The following LOC128092253 variants were observed in gnomAD, a reference collection of about 807,000 sequenced individuals.
chr6:133,968,764 G>A, the LOC128092253 span: 1 of 152,174 alleles, frequency 6.6e-6, no homozygotes, highest in Non-Finnish European at 1.5e-5. Flanking sequence ...TCTGCCCTTG[G>A]GTTCAAGCAG....
chr6:133,973,558 C>T, the LOC128092253 span, among the ~76,000 whole-genome samples: 1 of 152,080 alleles, frequency 6.6e-6, no homozygotes, highest in African/African-American at 2.4e-5. Context: ...TGCAATTTGT[C>T]GTAAAAGCCA....
chr6:133,959,448 T>G, the LOC128092253 span, among the ~76,000 whole-genome samples: 1 of 152,164 alleles, frequency 6.6e-6, no homozygotes, highest in African/African-American at 2.4e-5. Flanking sequence ...TAACACATTG[T>G]TAATTTTTCT....
the LOC128092253 span, among the ~76,000 whole-genome samples, chr6:133,962,334 A>G: frequency 6.6e-6 from 1 of 152,220 alleles, no homozygotes; most frequent in Admixed American, 6.5e-5. Flanking sequence ...GAATGCAAGC[A>G]GAGAGTTCTA....
At chr6:133,972,353 G>A in the LOC128092253 span, among the ~76,000 whole-genome samples, 16 of 151,940 alleles carry the variant, frequency 1.1e-4, no homozygotes, top group Non-Finnish European at 5.9e-5. Context: ...TGTTAAAACC[G>A]GGATCTAATC....
the LOC128092253 span, among the ~76,000 whole-genome samples, chr6:133,961,582 C>T: frequency 6.6e-6 from 1 of 151,154 alleles, no homozygotes; most frequent in Non-Finnish European, 1.5e-5. Flanking sequence ...ATTCTTCTGC[C>T]TCAGCCTCCT....
At chr6:133,976,437 T>C in the LOC128092253 span, among the ~76,000 whole-genome samples, 1 of 152,196 alleles carries the variant, frequency 6.6e-6, no homozygotes, top group Non-Finnish European at 1.5e-5. Flanking sequence ...TTCTGGTGTT[T>C]AACTGTAGGT....
At chr6:133,975,932 G>A in the LOC128092253 span, among the ~76,000 whole-genome samples, 2 of 152,110 alleles carry the variant, frequency 1.3e-5, no homozygotes, top group African/African-American at 4.8e-5. Context: ...ATATGGTAGT[G>A]CCATGATTAG....
At chr6:133,963,467 C>T in the LOC128092253 span, among the ~76,000 whole-genome samples, 2 of 152,106 alleles carry the variant, frequency 1.3e-5, no homozygotes, top group South Asian at 4.1e-4. Context: ...CTCTATAGCC[C>T]AGACTGGAGT....
chr6:133,961,465 C>CT, the LOC128092253 span, among the ~76,000 whole-genome samples: 1,229 of 100,156 alleles, frequency 0.012, 20 homozygotes, highest in Admixed American at 0.017. Context: ...TTCTTTCTTT[C>CT]TTTTTTTTTT....
At chr6:133,965,882 C>T in the LOC128092253 span, among the ~76,000 whole-genome samples, 2 of 152,192 alleles carry the variant, frequency 1.3e-5, no homozygotes, top group African/African-American at 4.8e-5. Context: ...TGTGCAAGTA[C>T]TGTGCCAAGC....
At chr6:133,961,320 C>T in the LOC128092253 span, among the ~76,000 whole-genome samples, 1,311 of 152,226 alleles carry the variant, frequency 8.6e-3, 17 homozygotes, top group Non-Finnish European at 0.011. Context: ...CTTCAAGGAG[C>T]TTGGTGTCTG....
At chr6:133,975,353 AAC>A in the LOC128092253 span, among the ~76,000 whole-genome samples, 2 of 152,020 alleles carry the variant, frequency 1.3e-5, no homozygotes, top group African/African-American at 4.8e-5. Flanking sequence ...ACTTGAAGAA[AAC>A]AGAGACATGA....
the LOC128092253 span, among the ~76,000 whole-genome samples, chr6:133,974,414 A>G: frequency 1.3e-5 from 2 of 152,064 alleles, no homozygotes; most frequent in Admixed American, 6.5e-5. Flanking sequence ...GCTCACTGCA[A>G]CCTCCGCCTC....
At chr6:133,977,773 C>T in the LOC128092253 span, among the ~76,000 whole-genome samples, 75 of 147,310 alleles carry the variant, frequency 5.1e-4, no homozygotes, top group Admixed American at 1.6e-3. Flanking sequence ...AGATTCACAG[C>T]GTCAGGGGCC....
the LOC128092253 span, chr6:133,968,842 G>T: frequency 6.6e-6 from 1 of 152,124 alleles, no homozygotes; most frequent in Non-Finnish European, 1.5e-5. Flanking sequence ...GCTAATTTTT[G>T]TATTTTTGGT....
chr6:133,978,056 G>C, the LOC128092253 span, among the ~76,000 whole-genome samples: 1 of 152,126 alleles, frequency 6.6e-6, no homozygotes, highest in African/African-American at 2.4e-5. Context: ...GACATCTATA[G>C]TATTTTATTT....
the LOC128092253 span, among the ~76,000 whole-genome samples, chr6:133,959,845 A>G: frequency 6.6e-6 from 1 of 152,238 alleles, no homozygotes; most frequent in Non-Finnish European, 1.5e-5. Flanking sequence ...TCAGATATGA[A>G]CATAATAAAG....
the LOC128092253 span, among the ~76,000 whole-genome samples, chr6:133,969,437 A>G: frequency 3.9e-5 from 6 of 152,200 alleles, no homozygotes; most frequent in East Asian, 7.7e-4. Context: ...GAATATCTAG[A>G]TTGAGTCTCA....
the LOC128092253 span, among the ~76,000 whole-genome samples, chr6:133,964,587 C>T: frequency 1.3e-5 from 2 of 150,978 alleles, no homozygotes; most frequent in Non-Finnish European, 3.0e-5. Context: ...GTAGCTGGGA[C>T]TACAGGTGCC....
Sources: allele counts gnomAD v4.1 joint callset (sites outside exome capture counted in the v4.1 genomes callset), GRCh38; gene constraint gnomAD v4.1.1; transcripts MANE v1.5.